PCDHA5: variants seen among roughly 807,000 people sequenced by gnomAD.
PCDHA5 encodes protocadherin alpha-5.
In PCDHA5, 43 loss-of-function variants were observed where a neutral mutation model predicts 61.6. The observed-to-expected ratio is 0.70, with a 90% CI of 0.55 to 0.90. The LOEUF (loss-of-function observed/expected upper bound fraction) is 0.90. Ranked by LOEUF, PCDHA5 falls within the 40% of genes least tolerant of loss-of-function variation. The pLI, the probability that PCDHA5 is intolerant of heterozygous loss-of-function variation, is 0.00. For missense variants in PCDHA5, 1,298 were observed against 1,222.7 expected, an observed-to-expected ratio of 1.06 and a Z score of -0.92; for synonymous variants, 627 against 543.9, an observed-to-expected ratio of 1.15 and a Z score of -2.13.
chr5:140,822,795 G>C lies in PCDHA5; in HGVS notation c.1020G>C (p.Leu340=), dbSNP rs2150119402. 6.2e-7 allele frequency: 1 copy of C among 1,614,092 alleles called. No homozygotes were observed. Among genetic ancestry groups the C allele is most frequent in the East Asian group, 2.2e-5 (1 of 44,888 alleles). The change falls in exon 1 of 4, where the codon CTG becomes CTC. Residue 340 remains leucine, a synonymous_variant. Coordinates refer to ENST00000529859, the MANE Select transcript of PCDHA5 (RefSeq NM_018908.3). ...SGHCKVVVKL[L]DVNDNTPEMA... is the part of the protein sequence containing the mutation. ...ACTGTAAAGTAGTAGTGAAACTCCT[G>C]GATGTGAATGATAATACCCCAGAGA...
At chr5:140,983,641 C>T (rs1030470329) in intron 3 of PCDHA5, among the ~76,000 whole-genome samples, 4 of 152,164 alleles carry the variant, frequency 2.6e-5, no homozygotes, top group Admixed American at 1.3e-4. Flanking sequence ...CCCAAGTTCA[C>T]GTAGCTTGTA....
chr5:140,884,467 G>A (rs199814121), intron 1 of PCDHA5: 6 of 1,613,778 alleles, frequency 3.7e-6, no homozygotes, highest in Non-Finnish European at 5.1e-6. Context: ...GCGCGTGCGC[G>A]CCGGGCAAGC....
chr5:140,864,625 G>GAAAAC (rs1229518182), intron 1 of PCDHA5: 2 of 152,052 alleles, frequency 1.3e-5, no homozygotes, highest in Non-Finnish European at 2.9e-5. Flanking sequence ...TTTTTAAAAA[G>GAAAAC]AAAACAAAAC....
chr5:140,836,599 T>G (rs1166723338), intron 1 of PCDHA5: 13 of 1,613,608 alleles, frequency 8.1e-6, no homozygotes, highest in Non-Finnish European at 1.1e-5. Context: ...AAGCCCACTC[T>G]GGTGTGCTCC....
chr5:140,984,426 G>A (rs781888913), intron 3 of PCDHA5, among the ~76,000 whole-genome samples: 2 of 152,160 alleles, frequency 1.3e-5, no homozygotes, highest in South Asian at 2.1e-4. Flanking sequence ...AGATAGAGAA[G>A]GGGATCTCCC....
chr5:141,009,601 A>T (rs1223112014), intron 3 of PCDHA5, 26 bp from the exon 4 acceptor site: 6 of 1,607,482 alleles, frequency 3.7e-6, no homozygotes, highest in Non-Finnish European at 5.1e-6. Flanking sequence ...GACCCTGTTA[A>T]TGATTTGTAA....
In PCDHA5 at chr5:140,888,751, C is replaced by T. The variant is rs947840835; in HGVS notation, c.2352+64624C>T. On this transcript the variant is annotated intron_variant, in intron 1 of 3. Transcript: ENST00000529859. ...TTGTGAGCTCTAGGAATTATTCTAC[C>T]CACTTTTTTTTTTAATTTTGAAGGG... Among the ~76,000 whole-genome samples, 4 of 151,800 alleles carry T rather than the reference C, an allele frequency of 2.6e-5. No individual in the cohort carries two copies. The South Asian group carries it at 8.3e-4, about 32-fold the overall frequency.
Position 140,835,579 on chromosome 5 carries a change from C to T in PCDHA5, c.2352+11452C>T, listed in dbSNP as rs2150238736. ...CCCCGCGTTCCCTTCAAGTTGGTGT[C>T]CACCTTCAAGAATTACTATTCATTG... On this transcript the variant is annotated intron_variant, in intron 1 of 3. Transcript: ENST00000529859. 5 of 1,613,798 alleles carry T rather than the reference C, an allele frequency of 3.1e-6. No individual in the cohort carries two copies. The African/African-American group carries it at 5.3e-5, about 17-fold the overall frequency.
intron 1 of PCDHA5, chr5:140,857,668 C>T (rs1319713687): frequency 6.3e-7 from 1 of 1,596,856 alleles, no homozygotes. Flanking sequence ...GCGATGGGGG[C>T]GTGCCGCCTC....
intron 1 of PCDHA5, among the ~76,000 whole-genome samples, chr5:140,846,137 A>G (rs1253647422): frequency 1.3e-5 from 2 of 149,716 alleles, no homozygotes; most frequent in Non-Finnish European, 3.0e-5. Flanking sequence ...TATGTTTCCC[A>G]TATTTAAAAG....
At chr5:140,882,718 T>A (rs782288800) in intron 1 of PCDHA5, 9 of 1,614,054 alleles carry the variant, frequency 5.6e-6, no homozygotes, top group Middle Eastern at 1.6e-4. Flanking sequence ...CTCCGGAAAC[T>A]CGATTTCCAC....
At chr5:140,995,647 A>G (rs1419237450) in intron 3 of PCDHA5, among the ~76,000 whole-genome samples, 2 of 152,202 alleles carry the variant, frequency 1.3e-5, no homozygotes, top group African/African-American at 4.8e-5. Context: ...TTAGAAAAGG[A>G]GAATCGAAAA....
chr5:140,842,824 G>A (rs1778307611), intron 1 of PCDHA5: 4 of 1,593,676 alleles, frequency 2.5e-6, no homozygotes, highest in African/African-American at 1.3e-5. Flanking sequence ...GGGTGGGCGA[G>A]CGCTCGCTGT....
chr5:140,924,900 A>AT lies in PCDHA5; in HGVS notation c.2353-54049_2353-54048insT, dbSNP rs1563068012. 8.8e-4 allele frequency among the ~76,000 whole-genome samples: 56 copies of AT among 63,318 alleles called. 1 individual carries two copies. The highest frequency in any genetic ancestry group is 8.1e-3 in the Middle Eastern group (1 of 124). 41.5% of individuals were successfully genotyped at this position (63,318 alleles called of 152,430 possible). On this transcript the variant is annotated intron_variant, in intron 1 of 3. Coordinates refer to ENST00000529859, the MANE Select transcript of PCDHA5 (RefSeq NM_018908.3). ...ACAGAGCAAGAACCTGTCTCAAAAA[A>AT]AAAAATAAAATAAAATAAAATAAAA...
At chr5:140,923,752 G>A (rs1004241488) in intron 1 of PCDHA5, among the ~76,000 whole-genome samples, 1 of 152,186 alleles carries the variant, frequency 6.6e-6, no homozygotes, top group Non-Finnish European at 1.5e-5. Context: ...GAGGCATATG[G>A]TGGGACAAAT....
intron 1 of PCDHA5, among the ~76,000 whole-genome samples, chr5:140,832,976 A>G (rs2150205611): frequency 1.2e-4 from 18 of 152,224 alleles, no homozygotes; most frequent in African/African-American, 4.3e-4. Flanking sequence ...AAATGTACCT[A>G]GAAATGAGGA....
At chr5:140,881,361 C>T (rs990387338) in intron 1 of PCDHA5, 4 of 985,122 alleles carry the variant, frequency 4.1e-6, no homozygotes, top group Non-Finnish European at 2.4e-6. Context: ...GCGTGGCTTT[C>T]GTATGAATTG....
At chr5:140,947,601 A>G (rs1296948194) in intron 1 of PCDHA5, among the ~76,000 whole-genome samples, 1 of 151,680 alleles carries the variant, frequency 6.6e-6, no homozygotes, top group Non-Finnish European at 1.5e-5. Context: ...TTTAGGGAAG[A>G]TTTGGTATCT....
At position 140,823,361 on chromosome 5, in the gene PCDHA5, T is replaced by A. The variant is rs2150125012; in HGVS notation, c.1586T>A (p.Leu529Gln). Reference protein sequence around the residue: ...LQPLDHEEVELLQFQVSARDA... With the variant: ...LQPLDHEEVEQLQFQVSARDA... Reference sequence around the variant, plus strand: ...CCGCTGGACCACGAGGAAGTGGAGCTGCTGCAGTTCCAGGTGAGCGCGCGC... The same window carrying A: ...CCGCTGGACCACGAGGAAGTGGAGCAGCTGCAGTTCCAGGTGAGCGCGCGC... The change falls in exon 1 of 4, where the codon CTG becomes CAG. Residue 529 changes from leucine (L) to glutamine (Q), a missense_variant. Transcript: ENST00000529859. The A allele has an allele frequency of 1.9e-5, 30 of 1,612,648 alleles. No individual in the cohort carries two copies. The highest frequency in any genetic ancestry group is 2.5e-5 in the Non-Finnish European group (30 of 1,179,806).
Sources: gnomAD v4.1 joint callset for allele counts (sites outside exome capture counted in the v4.1 genomes callset) on GRCh38, gnomAD v4.1.1 for gene constraint, MANE v1.5 for transcripts, NCBI Gene and HGNC (gene_info 2026-07-23, HGNC 2026-07-21) for gene names.